Variants in PARG observed in about 807,000 individuals in gnomAD.
The protein encoded by PARG is poly(ADP-ribose) glycohydrolase, also known as mitochondrial poly(ADP-ribose) glycohydrolase.
Under a neutral mutation model 113.0 loss-of-function variants are expected in PARG, and 35 were observed. The observed-to-expected ratio is 0.31, with a 90% confidence interval of 0.24 to 0.41. The LOEUF (loss-of-function observed/expected upper bound fraction) is 0.41. PARG is among the 10% of genes least tolerant of loss of function. The probability of loss-of-function intolerance (pLI) is 1.00; values close to 1 mark genes in which losing one functional copy is unlikely to be tolerated. For synonymous variants in PARG, 330 were observed against 409.9 expected (o/e 0.81, Z 2.36); for missense variants, 797 against 1,169.4 (o/e 0.68, Z 4.64).
intron 6 of PARG, among the ~76,000 whole-genome samples, chr10:49,920,463 A>AAAAATATAT (rs1431747248): frequency 1.5e-4 from 7 of 47,978 alleles, no homozygotes; most frequent in African/African-American, 3.0e-4. Flanking sequence ...AAAAAAAAAA[A>AAAAATATAT]ATATATATAT....
chr10:49,941,446 T>G lies in PARG; in HGVS notation c.217+63A>C, dbSNP rs1186108965. On this transcript the variant is annotated intron_variant, in intron 1 of 17. Transcript: ENST00000616448. ...AGGAGTGACTGGAGCCCCTGGGTCCTCAGACTGAGACCAGAAGGTTCGGGC... is the reference window on the plus strand; with the variant it reads ...AGGAGTGACTGGAGCCCCTGGGTCCGCAGACTGAGACCAGAAGGTTCGGGC... 4 of 1,273,862 alleles carry G rather than the reference T, an allele frequency of 3.1e-6. No homozygotes were observed. In the South Asian group the frequency reaches 3.8e-5, roughly 12 times the overall value. 78.9% of individuals were successfully genotyped at this position (1,273,862 alleles called of 1,614,324 possible). A position where few individuals can be genotyped will look rare whatever the true frequency, so the allele number is the denominator to read the frequency against.
intron 7 of PARG, among the ~76,000 whole-genome samples, chr10:49,912,814 A>G (rs1461711745): frequency 6.6e-6 from 1 of 152,122 alleles, no homozygotes; most frequent in East Asian, 1.9e-4. Flanking sequence ...AAAAAATACA[A>G]AAAACTAGCC....
chr10:49,908,316 C>G (rs1410758729), intron 7 of PARG: 4 of 152,122 alleles, frequency 2.6e-5, no homozygotes, highest in Non-Finnish European at 1.5e-5. Flanking sequence ...TTAACCAAAC[C>G]AGGGAGAGAA....
intron 15 of PARG, among the ~76,000 whole-genome samples, chr10:49,839,488 A>AAAT (rs1554831817): frequency 6.6e-6 from 1 of 152,214 alleles, no homozygotes; most frequent in African/African-American, 2.4e-5. Context: ...TCTTTGTATA[A>AAAT]AACGCCCCTC....
rs1839097976 is a variant in PARG, at chr10:49,941,784, AC to A, written c.-60del. The A allele has an allele frequency of 1.3e-6, 2 of 1,537,990 alleles. No homozygotes were observed. Among genetic ancestry groups the A allele is most frequent in the Admixed American group, 2.0e-5 (1 of 51,048 alleles). On this transcript the variant is annotated 5_prime_UTR_variant, in exon 1 of 18. The change abolishes the stop of an existing upstream ORF in the 5' untranslated region. Transcript: ENST00000616448. ...CCCGGGCGGAGAGCCTCATTCACTA[AC>A]CCTGAGAGAGATGGACTGCGCCTCC... is the stretch of plus-strand genomic sequence containing the variant.
intron 7 of PARG, among the ~76,000 whole-genome samples, chr10:49,893,061 T>C (rs1554841900): frequency 6.6e-6 from 1 of 152,212 alleles, no homozygotes; most frequent in East Asian, 1.9e-4. Flanking sequence ...AATCTTTTTG[T>C]GTGCATATAT....
chr10:49,851,650 T>A (rs1323657881), intron 13 of PARG, among the ~76,000 whole-genome samples: 1 of 137,992 alleles, frequency 7.2e-6, no homozygotes, highest in African/African-American at 2.7e-5. Flanking sequence ...CTCTGCCCAG[T>A]AGGTTTCATG....
At chr10:49,906,388 T>C (rs1848592894) in intron 7 of PARG, among the ~76,000 whole-genome samples, 1 of 152,132 alleles carries the variant, frequency 6.6e-6, no homozygotes, top group African/African-American at 2.4e-5. Context: ...TTTGAACTTA[T>C]TGGGCCTCCC....
At chr10:49,865,876 A>G (rs1459984733) in intron 10 of PARG, among the ~76,000 whole-genome samples, 2 of 151,556 alleles carry the variant, frequency 1.3e-5, no homozygotes, top group Non-Finnish European at 2.9e-5. Context: ...GTAAAGTGAA[A>G]TGCCACAGAT....
intron 16 of PARG, among the ~76,000 whole-genome samples, chr10:49,831,755 T>C (rs1423835638): frequency 6.6e-6 from 1 of 152,218 alleles, no homozygotes. Flanking sequence ...CTTCGCTTTA[T>C]GTGTCTCCTT....
intron 16 of PARG, among the ~76,000 whole-genome samples, chr10:49,825,184 T>C (rs1174510146): frequency 6.6e-6 from 1 of 152,120 alleles, no homozygotes; most frequent in Non-Finnish European, 1.5e-5. Context: ...ACTCTTATTC[T>C]CCAATTGGTC....
At chr10:49,916,974 G>A (rs1399144201) in intron 6 of PARG, among the ~76,000 whole-genome samples, 2 of 151,922 alleles carry the variant, frequency 1.3e-5, no homozygotes, top group Non-Finnish European at 1.5e-5. Context: ...AAAGCTTCCT[G>A]AATAGTACTT....
At chr10:49,833,539 T>C (rs1030749449) in intron 15 of PARG, among the ~76,000 whole-genome samples, 8 of 152,224 alleles carry the variant, frequency 5.3e-5, no homozygotes, top group Admixed American at 2.0e-4. Flanking sequence ...AGCTCTGTTT[T>C]AAGCTAGAAT....
chr10:49,938,800 A>G, intron 1 of PARG, among the ~76,000 whole-genome samples: 1 of 152,130 alleles, frequency 6.6e-6, no homozygotes, highest in Non-Finnish European at 1.5e-5. Flanking sequence ...AAGATACTGA[A>G]TAAATATCCA....
intron 7 of PARG, among the ~76,000 whole-genome samples, chr10:49,889,129 G>C (rs1847644708): frequency 6.8e-6 from 1 of 148,076 alleles, no homozygotes; most frequent in Non-Finnish European, 1.5e-5. Flanking sequence ...TAATTGCTCA[G>C]CCTTCTTGTG....
chr10:49,832,990 C>T, intron 15 of PARG, 82 bp from the exon 16 acceptor site: 1 of 609,372 alleles, frequency 1.6e-6, no homozygotes, highest in East Asian at 3.3e-5. Flanking sequence ...GATCAGTGTC[C>T]ATTATCAAGC....
At chr10:49,841,610 G>A (rs1430369778) in intron 15 of PARG, among the ~76,000 whole-genome samples, 1 of 152,148 alleles carries the variant, frequency 6.6e-6, no homozygotes, top group African/African-American at 2.4e-5. Context: ...TAGAGAAAAT[G>A]TCATTAAGCA....
chr10:49,909,220 T>C (rs1282237577), intron 7 of PARG, among the ~76,000 whole-genome samples: 1 of 152,112 alleles, frequency 6.6e-6, no homozygotes, highest in Non-Finnish European at 1.5e-5. Context: ...TATTGAATCA[T>C]AGCTGATTTG....
chr10:49,822,827 G>T (rs1256490256), intron 16 of PARG, among the ~76,000 whole-genome samples: 1 of 152,170 alleles, frequency 6.6e-6, no homozygotes, highest in East Asian at 1.9e-4. Context: ...TTCTGACAGA[G>T]AATGCATAAC....
Sources: allele counts gnomAD v4.1 joint callset (sites outside exome capture counted in the v4.1 genomes callset), GRCh38; gene constraint gnomAD v4.1.1; transcripts MANE v1.5; gene names NCBI Gene and HGNC (gene_info 2026-07-23, HGNC 2026-07-21).